Variants in ZFHX3 observed in about 807,000 individuals in gnomAD.
ZFHX3 encodes the protein zinc finger homeobox protein 3.
ZFHX3 carries 42 observed loss-of-function variants against 279.1 expected under a neutral mutation model. The observed-to-expected ratio is 0.15, with a 90% confidence interval of 0.12 to 0.19. The LOEUF (loss-of-function observed/expected upper bound fraction) is 0.19. ZFHX3 is among the 10% of genes least tolerant of loss of function. The pLI, the probability that ZFHX3 is intolerant of heterozygous loss-of-function variation, is 1.00. For synonymous variants in ZFHX3, 2,293 were observed against 1,957.8 expected (o/e 1.17, Z -4.52); for missense variants, 4,981 against 4,754.0 (o/e 1.05, Z -1.40).
intron 3 of ZFHX3, among the ~76,000 whole-genome samples, chr16:72,920,630 AT>A (rs1311366818): frequency 6.6e-6 from 1 of 152,012 alleles, no homozygotes; most frequent in Non-Finnish European, 1.5e-5. Flanking sequence ...CGATGGCACC[AT>A]TGCACTCCAG....
intron 5 of ZFHX3, among the ~76,000 whole-genome samples, chr16:73,168,674 C>A (rs1056917273): frequency 6.6e-6 from 1 of 152,184 alleles, no homozygotes. Context: ...AATCTGTCCC[C>A]AGACTGTTGG....
At chr16:73,478,834 CA>C (rs2018814654) in intron 2 of ZFHX3, among the ~76,000 whole-genome samples, 2 of 152,132 alleles carry the variant, frequency 1.3e-5, no homozygotes, top group African/African-American at 4.8e-5. Flanking sequence ...AGGAGGATCA[CA>C]AGGTCAGGAG....
intron 5 of ZFHX3, among the ~76,000 whole-genome samples, chr16:73,154,677 AG>A (rs1377930782): frequency 6.6e-6 from 1 of 152,204 alleles, no homozygotes; most frequent in Admixed American, 6.5e-5. Flanking sequence ...TGGTAATTTG[AG>A]GCTTTGAAAA....
intron 3 of ZFHX3, among the ~76,000 whole-genome samples, chr16:73,327,620 A>G (rs1702531128): frequency 6.6e-6 from 1 of 152,234 alleles, no homozygotes; most frequent in Non-Finnish European, 1.5e-5. Flanking sequence ...TCATTCTGAA[A>G]ATTTGAAAGA....
At chr16:72,967,909 C>CAG (rs1961923160) in intron 1 of ZFHX3, among the ~76,000 whole-genome samples, 1 of 136,004 alleles carries the variant, frequency 7.4e-6, no homozygotes, top group Non-Finnish European at 1.5e-5. Flanking sequence ...TCCTGGGTGA[C>CAG]AGAGAGAGAC....
intron 5 of ZFHX3, among the ~76,000 whole-genome samples, chr16:73,144,801 A>C (rs189143194): frequency 1.4e-4 from 21 of 152,302 alleles, no homozygotes; most frequent in African/African-American, 5.1e-4. Flanking sequence ...CTCTTGGCTA[A>C]TGCCTGCACT....
At chr16:73,378,830 C>G (rs980014563) in intron 3 of ZFHX3, among the ~76,000 whole-genome samples, 1 of 152,116 alleles carries the variant, frequency 6.6e-6, no homozygotes, top group African/African-American at 2.4e-5. Flanking sequence ...AGTGCATTAT[C>G]CCCTTAAATC....
chr16:73,470,507 A>G (rs899327910), intron 2 of ZFHX3, among the ~76,000 whole-genome samples: 7 of 152,196 alleles, frequency 4.6e-5, no homozygotes, highest in African/African-American at 1.4e-4. Flanking sequence ...CTTAGTGCTA[A>G]TGAGTAACCA....
At chr16:73,580,253 G>A (rs2051845656) in intron 2 of ZFHX3, among the ~76,000 whole-genome samples, 2 of 151,880 alleles carry the variant, frequency 1.3e-5, no homozygotes, top group Admixed American at 1.3e-4. Context: ...GCCAAGGCGG[G>A]CAGATCACAA....
At chr16:73,294,133 T>TATATCCA (rs1442555367) in intron 4 of ZFHX3, 1 of 152,208 alleles carries the variant, frequency 6.6e-6, no homozygotes, top group African/African-American at 2.4e-5. Context: ...TGTGTTGGGA[T>TATATCCA]ATTTATGACA....
At chr16:73,188,744 A>G (rs2144886285) in intron 5 of ZFHX3, among the ~76,000 whole-genome samples, 1 of 152,308 alleles carries the variant, frequency 6.6e-6, no homozygotes, top group African/African-American at 2.4e-5. Flanking sequence ...CCTGAGAGAG[A>G]AAATGTTAGA....
intron 1 of ZFHX3, among the ~76,000 whole-genome samples, chr16:73,789,553 T>C (rs1959760658): frequency 6.6e-6 from 1 of 152,198 alleles, no homozygotes; most frequent in South Asian, 2.1e-4. Flanking sequence ...CACACTGATG[T>C]CTGGAATAAA....
At chr16:73,524,725 C>G (rs1376462874) in intron 2 of ZFHX3, among the ~76,000 whole-genome samples, 1 of 152,210 alleles carries the variant, frequency 6.6e-6, no homozygotes, top group Non-Finnish European at 1.5e-5. Context: ...GAGCAAACCT[C>G]TAGATGCGAC....
rs1300049292 is a variant in ZFHX3, at chr16:73,473,358, CAAAAAAA to C, written c.-1546-17107_-1546-17101del. Among the ~76,000 whole-genome samples, 160 of 43,036 alleles carry C rather than the reference CAAAAAAA, an allele frequency of 3.7e-3. 3 individuals carry two copies. The highest frequency in any genetic ancestry group is 0.011 in the African/African-American group (142 of 12,646). 28.2% of individuals were successfully genotyped at this position (43,036 alleles called of 152,430 possible). Reference sequence around the variant, plus strand: ...TCAAAGCAAAAAAAAAAAAAAAAAACAAAAAAAAAAAAAACAAAATAATAAGCTATGT... The same window carrying C: ...TCAAAGCAAAAAAAAAAAAAAAAAACAAAAAAACAAAATAATAAGCTATGT... On this transcript the variant is annotated intron_variant, in intron 2 of 17. Coordinates refer to the ZFHX3 transcript ENST00000641206.
At chr16:73,444,813 T>C (rs1323186297) in intron 3 of ZFHX3, among the ~76,000 whole-genome samples, 4 of 152,136 alleles carry the variant, frequency 2.6e-5, no homozygotes, top group Admixed American at 6.5e-5. Context: ...TGACCTGTGC[T>C]CACCTCTTAG....
chr16:73,285,508 G>A (rs1186711123), intron 4 of ZFHX3, among the ~76,000 whole-genome samples: 1 of 152,222 alleles, frequency 6.6e-6, no homozygotes, highest in East Asian at 1.9e-4. Flanking sequence ...GAGGCTCTGT[G>A]GGGTGTGTCA....
At chr16:72,945,290 A>G (rs1960611454) in intron 3 of ZFHX3, among the ~76,000 whole-genome samples, 1 of 152,208 alleles carries the variant, frequency 6.6e-6, no homozygotes, top group Non-Finnish European at 1.5e-5. Flanking sequence ...ACTTGGTCCT[A>G]GCACAAGCCC....
intron 1 of ZFHX3, among the ~76,000 whole-genome samples, chr16:72,985,952 C>CAGGGTCCCTGCAAG (rs1363301549): frequency 6.6e-6 from 1 of 152,190 alleles, no homozygotes; most frequent in Admixed American, 6.5e-5. Context: ...ATGATAATTG[C>CAGGGTCCCTGCAAG]AGGGTCCCTG....
At chr16:73,649,973 G>C (rs1471513022) in intron 2 of ZFHX3, among the ~76,000 whole-genome samples, 2 of 152,180 alleles carry the variant, frequency 1.3e-5, no homozygotes, top group Non-Finnish European at 2.9e-5. Flanking sequence ...AAGAAAAATA[G>C]TTGTATAAGG....
Sources: gnomAD v4.1 joint callset for allele counts (sites outside exome capture counted in the v4.1 genomes callset) on GRCh38, gnomAD v4.1.1 for gene constraint, MANE v1.5 for transcripts, NCBI Gene and HGNC (gene_info 2026-07-23, HGNC 2026-07-21) for gene names.